Variants in PCBP3 observed in about 807,000 individuals in gnomAD.
The protein encoded by PCBP3 is poly(rC)-binding protein 3.
A neutral mutation model predicts 52.7 loss-of-function variants in PCBP3; 25 were observed. The observed-to-expected ratio is 0.47, with a 90% CI of 0.35 to 0.66. The LOEUF is 0.66. Ranked by LOEUF, PCBP3 falls within the 30% of genes least tolerant of loss-of-function variation. The probability of loss-of-function intolerance (pLI) is 0.01; values close to 1 mark genes in which losing one functional copy is unlikely to be tolerated. For missense variants in PCBP3, 391 were observed against 490.3 expected (o/e 0.80, Z 1.91); for synonymous variants, 162 against 183.0 (o/e 0.89, Z 0.93).
At chr21:45,867,821 C>T (rs1437073649) in intron 5 of PCBP3, among the ~76,000 whole-genome samples, 1 of 152,292 alleles carries the variant, frequency 6.6e-6, no homozygotes, top group African/African-American at 2.4e-5. Context: ...CAGTGCCATC[C>T]ACAGCAGAAG....
chr21:45,889,694 T>C (rs1057243560), intron 5 of PCBP3, among the ~76,000 whole-genome samples: 4 of 152,238 alleles, frequency 2.6e-5, no homozygotes, highest in Admixed American at 6.5e-5. Flanking sequence ...CTCCCTGCCA[T>C]GGCTCTTGTG....
intron 6 of PCBP3, among the ~76,000 whole-genome samples, chr21:45,897,717 T>TA (rs1199598064): frequency 2.6e-5 from 4 of 152,168 alleles, no homozygotes; most frequent in African/African-American, 4.8e-5. Flanking sequence ...CTCCTGTGTG[T>TA]GGTGGCATGT....
intron 5 of PCBP3, among the ~76,000 whole-genome samples, chr21:45,854,829 T>G (rs1199100358): frequency 1.3e-5 from 2 of 152,190 alleles, no homozygotes; most frequent in African/African-American, 2.4e-5. Context: ...GGGTGTGGGC[T>G]CTGGGTGGGT....
chr21:45,907,897 G>GA (rs35699664), intron 9 of PCBP3, among the ~76,000 whole-genome samples: 9,691 of 151,574 alleles, frequency 0.064, 761 homozygotes, highest in African/African-American at 0.18. Flanking sequence ...GGAAAAGGAG[G>GA]GAGAGCTTAC....
intron 2 of PCBP3, among the ~76,000 whole-genome samples, chr21:45,681,706 T>G (rs2081860465): frequency 6.6e-6 from 1 of 152,194 alleles, no homozygotes; most frequent in African/African-American, 2.4e-5. Context: ...AGGTCTGTAT[T>G]TTTATTTCTT....
intron 1 of PCBP3, among the ~76,000 whole-genome samples, chr21:45,652,150 A>T (rs1234880148): frequency 1.3e-5 from 2 of 152,192 alleles, no homozygotes; most frequent in African/African-American, 4.8e-5. Flanking sequence ...TTGTATCCTT[A>T]TATTATTCAG....
chr21:45,781,087 G>A (rs893999581), intron 4 of PCBP3, among the ~76,000 whole-genome samples: 5 of 152,162 alleles, frequency 3.3e-5, no homozygotes, highest in Non-Finnish European at 5.9e-5. Context: ...TTGAGGACCC[G>A]GGAGGAGGTA....
At chr21:45,669,805 G>GTA (rs773020402) in intron 2 of PCBP3, among the ~76,000 whole-genome samples, 498 of 49,628 alleles carry the variant, frequency 0.01, 8 homozygotes, top group Non-Finnish European at 0.013. Flanking sequence ...GTGTGTGTGT[G>GTA]TATATATATA....
chr21:45,895,320 C>T (rs901669435), intron 5 of PCBP3, among the ~76,000 whole-genome samples: 5 of 152,240 alleles, frequency 3.3e-5, no homozygotes, highest in Non-Finnish European at 7.3e-5. Flanking sequence ...GTCCAGGCAG[C>T]TCGATTATGG....
At chr21:45,671,283 C>T (rs1291313474) in intron 2 of PCBP3, among the ~76,000 whole-genome samples, 2 of 152,184 alleles carry the variant, frequency 1.3e-5, no homozygotes, top group Non-Finnish European at 2.9e-5. Context: ...GGGACACAAT[C>T]CAGAGTTGCC....
At chr21:45,698,815 C>G (rs2082940092) in intron 2 of PCBP3, among the ~76,000 whole-genome samples, 1 of 152,194 alleles carries the variant, frequency 6.6e-6, no homozygotes, top group African/African-American at 2.4e-5. Context: ...TTGATGCAAC[C>G]TGAGTTTAAT....
intron 4 of PCBP3, among the ~76,000 whole-genome samples, chr21:45,778,710 G>A (rs1412752613): frequency 2.0e-5 from 3 of 152,200 alleles, no homozygotes; most frequent in African/African-American, 7.2e-5. Context: ...GGCAATGCCT[G>A]GGACCCTGGG....
At chr21:45,652,868 A>G (rs1048344074) in intron 1 of PCBP3, among the ~76,000 whole-genome samples, 5 of 152,128 alleles carry the variant, frequency 3.3e-5, no homozygotes, top group Non-Finnish European at 5.9e-5. Flanking sequence ...ATTAATTTGC[A>G]GCTTTTCCTT....
intron 2 of PCBP3, among the ~76,000 whole-genome samples, chr21:45,733,899 A>G (rs1488854150): frequency 1.3e-5 from 2 of 152,150 alleles, no homozygotes; most frequent in African/African-American, 4.8e-5. Flanking sequence ...TTGTGTACTA[A>G]TGATCTCTGT....
At chr21:45,909,798 C>T (rs1323155124) in intron 10 of PCBP3, among the ~76,000 whole-genome samples, 10 of 90,486 alleles carry the variant, frequency 1.1e-4, no homozygotes, top group East Asian at 4.1e-4. Flanking sequence ...GGACCCCCCC[C>T]CCACCCACTG....
chr21:45,888,662 G>T (rs546078725), intron 5 of PCBP3, among the ~76,000 whole-genome samples: 2 of 152,262 alleles, frequency 1.3e-5, no homozygotes, highest in African/African-American at 4.8e-5. Context: ...TTTTAGACCC[G>T]CAATTGGAGC....
At chr21:45,810,487 C>G (rs1352468766) in intron 4 of PCBP3, among the ~76,000 whole-genome samples, 2 of 151,848 alleles carry the variant, frequency 1.3e-5, no homozygotes, top group Non-Finnish European at 2.9e-5. Context: ...TGGTCTCAAA[C>G]TCCTGGGCTC....
chr21:45,644,398 GTC>G (rs1254343693), intron 1 of PCBP3, among the ~76,000 whole-genome samples: 4 of 151,922 alleles, frequency 2.6e-5, no homozygotes, highest in African/African-American at 9.7e-5. Context: ...GCGCGCGCAG[GTC>G]TCTCTTGTTG....
rs2085909890 is a variant in PCBP3 at position 45,736,869 on chromosome 21, G to A, written c.-162+1440G>A. Among the ~76,000 whole-genome samples, 1 of 152,108 alleles carries A rather than the reference G, an allele frequency of 6.6e-6. No homozygotes were observed. Among genetic ancestry groups the A allele is most frequent in the South Asian group, 2.1e-4 (1 of 4,834 alleles). On this transcript the variant is annotated intron_variant, in intron 3 of 17. Transcript: ENST00000681687. The surrounding 1 kb of genome is among the most constrained non-coding windows in gnomAD (Gnocchi z 4.6). Reference sequence around the variant, plus strand: ...GAGTTCATCCTGTGGCATGTCAGGGGGTGACAGTGGCTGTGGAGGAAACAG... The same window carrying A: ...GAGTTCATCCTGTGGCATGTCAGGGAGTGACAGTGGCTGTGGAGGAAACAG...
Sources: allele counts gnomAD v4.1 joint callset (sites outside exome capture counted in the v4.1 genomes callset), GRCh38; gene constraint gnomAD v4.1.1; non-coding constraint Gnocchi (gnomAD v3.1); transcripts MANE v1.5; gene names NCBI Gene and HGNC (gene_info 2026-07-23, HGNC 2026-07-21).